AVEN: variants seen among roughly 807,000 people sequenced by gnomAD.
The protein encoded by AVEN is apoptosis and caspase activation inhibitor, also known as cell death regulator Aven.
AVEN carries 41 observed loss-of-function variants against 38.1 expected under a neutral mutation model. That is an observed-to-expected ratio of 1.08 (90% CI 0.84 to 1.40). The LOEUF (loss-of-function observed/expected upper bound fraction) is 1.40. AVEN is among the 40% of genes most tolerant of loss of function. AVEN has a pLI of 0.00. For missense variants in AVEN, 605 were observed against 438.8 expected, an observed-to-expected ratio of 1.38 and a Z score of -3.38; for synonymous variants, 206 against 171.8, an observed-to-expected ratio of 1.20 and a Z score of -1.56.
chr15:33,864,703 A>G (rs1002220192), downstream of AVEN: 1 of 180,570 alleles, frequency 5.5e-6, no homozygotes, highest in Non-Finnish European at 1.2e-5. Context: ...ATATTCAAAC[A>G]TCATTGGCTT....
At chr15:33,944,619 C>T (rs1894439672) in intron 2 of AVEN, among the ~76,000 whole-genome samples, 2 of 152,116 alleles carry the variant, frequency 1.3e-5, no homozygotes, top group South Asian at 4.1e-4. Flanking sequence ...ACCATCCTGG[C>T]TAACATGGTG....
chr15:33,881,396 TTTA>T (rs890189826), intron 2 of AVEN, among the ~76,000 whole-genome samples: 1 of 151,680 alleles, frequency 6.6e-6, no homozygotes, highest in African/African-American at 2.4e-5. Flanking sequence ...AGAGGCTACT[TTTA>T]TTATTATGTT....
chr15:33,855,613 GC>G, downstream of AVEN, among the ~76,000 whole-genome samples: 1 of 1,128 alleles, frequency 8.9e-4, no homozygotes, highest in Non-Finnish European at 3.4e-3. Flanking sequence ...TCTGATATCT[GC>G]ATCCAATTAA....
At chr15:34,027,307 G>A (rs911001796) in intron 1 of AVEN, among the ~76,000 whole-genome samples, 1 of 151,946 alleles carries the variant, frequency 6.6e-6, no homozygotes, top group African/African-American at 2.4e-5. Flanking sequence ...CTGAGGTCAG[G>A]AGTTCAAAAC....
intron 2 of AVEN, among the ~76,000 whole-genome samples, chr15:33,939,786 C>T (rs1431501665): frequency 6.6e-6 from 1 of 152,110 alleles, no homozygotes; most frequent in Admixed American, 6.5e-5. Context: ...ATGTAATGGT[C>T]TTAGGAGATG....
At chr15:34,031,851 A>G (rs1898852116) in intron 1 of AVEN, among the ~76,000 whole-genome samples, 1 of 152,198 alleles carries the variant, frequency 6.6e-6, no homozygotes, top group Non-Finnish European at 1.5e-5. Flanking sequence ...GCATCCTCTG[A>G]CAAAACCCAC....
intron 2 of AVEN, among the ~76,000 whole-genome samples, chr15:33,886,260 G>C (rs1273659015): frequency 6.6e-6 from 1 of 152,116 alleles, no homozygotes; most frequent in Non-Finnish European, 1.5e-5. Context: ...CATGGGGGGC[G>C]GTCTCCCCAT....
intron 2 of AVEN, among the ~76,000 whole-genome samples, chr15:33,893,625 G>C (rs1597202407): frequency 6.6e-6 from 1 of 152,144 alleles, no homozygotes; most frequent in African/African-American, 2.4e-5. Flanking sequence ...GAATTCTTTT[G>C]AAATTTACTT....
chr15:33,976,715 A>C (rs1895904206), intron 2 of AVEN, among the ~76,000 whole-genome samples: 1 of 152,198 alleles, frequency 6.6e-6, no homozygotes, highest in South Asian at 2.1e-4. Context: ...ACAAAAAAAA[A>C]ATTTAACATA....
At chr15:34,072,668 A>T (rs1170029760) in intron 1 of AVEN, among the ~76,000 whole-genome samples, 1 of 151,100 alleles carries the variant, frequency 6.6e-6, no homozygotes, top group East Asian at 1.9e-4. Context: ...TTTTTTTGAG[A>T]TGGAGTCTTG....
chr15:33,929,992 G>A (rs549224571), intron 2 of AVEN, among the ~76,000 whole-genome samples: 2 of 152,228 alleles, frequency 1.3e-5, no homozygotes, highest in South Asian at 2.1e-4. Flanking sequence ...TATTCCTCCA[G>A]TCCTTTCTTC....
chr15:33,875,428 G>A (rs1739028521), intron 3 of AVEN, among the ~76,000 whole-genome samples: 1 of 152,104 alleles, frequency 6.6e-6, no homozygotes, highest in Admixed American at 6.5e-5. Context: ...AGAAAATAAG[G>A]CATTTGGGGT....
intron 2 of AVEN, among the ~76,000 whole-genome samples, chr15:33,880,620 T>C (rs575438934): frequency 3.3e-5 from 5 of 152,336 alleles, no homozygotes; most frequent in African/African-American, 1.2e-4. Flanking sequence ...TAAATCATTT[T>C]TGGAGGAAAA....
chr15:33,882,503 G>T (rs1026026383), intron 2 of AVEN, among the ~76,000 whole-genome samples: 5 of 151,464 alleles, frequency 3.3e-5, no homozygotes, highest in Admixed American at 6.6e-5. Context: ...CACATTTCTA[G>T]AGCCAAAATT....
chr15:34,064,476 G>A, intron 4 of AVEN: 1 of 806,824 alleles, frequency 1.2e-6, no homozygotes, highest in Non-Finnish European at 1.9e-6. Flanking sequence ...AATGGAAGGG[G>A]CCATAGCTGC....
intron 2 of AVEN, among the ~76,000 whole-genome samples, chr15:33,978,048 CGA>C (rs1895963695): frequency 6.7e-6 from 1 of 149,352 alleles, no homozygotes; most frequent in East Asian, 2.0e-4. Flanking sequence ...GAGGAGGAAG[CGA>C]GAGAGGTAGG....
chr15:34,051,287 T>G (rs1464879343), intron 5 of AVEN, among the ~76,000 whole-genome samples: 1 of 80,750 alleles, frequency 1.2e-5, no homozygotes, highest in South Asian at 7.5e-4. Context: ...CAAGAAGTTC[T>G]TTGAAACTGA....
chr15:33,958,498 G>A (rs934526404), intron 2 of AVEN, among the ~76,000 whole-genome samples: 2 of 151,714 alleles, frequency 1.3e-5, no homozygotes, highest in African/African-American at 4.8e-5. Context: ...GGCTGAGGGA[G>A]GAGAATCACT....
At chr15:34,034,018 C>G (rs960553125) in intron 1 of AVEN, among the ~76,000 whole-genome samples, 3 of 152,146 alleles carry the variant, frequency 2.0e-5, no homozygotes, top group African/African-American at 7.2e-5. Flanking sequence ...ATCTCTTGAC[C>G]TTGTGATCTG....
Sources: gnomAD v4.1 joint callset for allele counts (sites outside exome capture counted in the v4.1 genomes callset) on GRCh38, gnomAD v4.1.1 for gene constraint, MANE v1.5 for transcripts, NCBI Gene and HGNC (gene_info 2026-07-23, HGNC 2026-07-21) for gene names.